GNB1: variants seen among roughly 807,000 people sequenced by gnomAD.
GNB1 encodes G protein subunit beta 1.
In GNB1, 2 loss-of-function variants were observed where a neutral mutation model predicts 42.9. The ratio of observed to expected loss-of-function variants is 0.05; its 90% CI spans 0.02 to 0.15. The LOEUF is 0.15. Ranked by LOEUF, GNB1 falls within the 10% of genes least tolerant of loss-of-function variation. GNB1 has a pLI of 1.00. For synonymous variants in GNB1, 183 were observed against 174.7 expected (o/e 1.05, Z -0.38); for missense variants, 193 against 462.2 (o/e 0.42, Z 5.34).
intron 1 of GNB1, among the ~76,000 whole-genome samples, chr1:1,879,155 G>A (rs1649704346): frequency 1.3e-5 from 2 of 152,196 alleles, no homozygotes; most frequent in African/African-American, 2.4e-5. Context: ...CAGGGTGCCT[G>A]TCTCCAGCTG....
At chr1:1,831,100 G>A (rs567556599) in intron 2 of GNB1, among the ~76,000 whole-genome samples, 4 of 152,306 alleles carry the variant, frequency 2.6e-5, no homozygotes, top group African/African-American at 9.6e-5. Context: ...GGGAGGCGGA[G>A]GCTGCAGTGA....
At chr1:1,885,806 C>T (rs1326657240) in intron 1 of GNB1, among the ~76,000 whole-genome samples, 33 of 149,818 alleles carry the variant, frequency 2.2e-4, no homozygotes, top group African/African-American at 7.1e-4. Context: ...GATCCGCCCA[C>T]GTCGGCCTCC....
intron 1 of GNB1, among the ~76,000 whole-genome samples, chr1:1,885,555 T>C (rs1380282003): frequency 7.0e-6 from 1 of 143,796 alleles, no homozygotes; most frequent in Non-Finnish European, 1.5e-5. Context: ...CTTAATCTTT[T>C]TTTTTTTTTT....
At chr1:1,871,712 T>C (rs998213756) in intron 1 of GNB1, among the ~76,000 whole-genome samples, 1 of 152,244 alleles carries the variant, frequency 6.6e-6, no homozygotes, top group Admixed American at 6.5e-5. Flanking sequence ...ATTCAAGGCA[T>C]GGCTCTGCAC....
chr1:1,866,885 C>T (rs1163342442), intron 1 of GNB1, among the ~76,000 whole-genome samples: 2 of 151,968 alleles, frequency 1.3e-5, no homozygotes, highest in African/African-American at 2.4e-5. Flanking sequence ...ACCCGGGAGG[C>T]GGAGCTTGCA....
intron 2 of GNB1, among the ~76,000 whole-genome samples, chr1:1,827,790 G>A (rs143233240): frequency 1.7e-4 from 26 of 152,196 alleles, no homozygotes; most frequent in African/African-American, 5.1e-4. Context: ...CCAGCACCCC[G>A]CACGCATAAT....
At chr1:1,813,156 CTTTT>C (rs554717267) in intron 5 of GNB1, among the ~76,000 whole-genome samples, 2 of 145,558 alleles carry the variant, frequency 1.4e-5, no homozygotes, top group Non-Finnish European at 3.0e-5. Context: ...AACATTTTTT[CTTTT>C]TTTTTTTTGA....
At chr1:1,857,096 T>C (rs1259942795) in intron 1 of GNB1, among the ~76,000 whole-genome samples, 1 of 152,212 alleles carries the variant, frequency 6.6e-6, no homozygotes, top group Non-Finnish European at 1.5e-5. Context: ...TGGTATTAAC[T>C]ACATCTTTTA....
chr1:1,789,186 G>A lies in GNB1; in HGVS notation c.783C>T (p.Leu261=). 6.2e-7 allele frequency: 1 copy of A among 1,613,844 alleles called. No individual in the cohort carries two copies. The highest frequency in any genetic ancestry group is 2.2e-5 in the East Asian group (1 of 44,886). The change falls in exon 10 of 12, where the codon CTC becomes CTT. Residue 261 remains leucine (L), a synonymous_variant. Transcript: ENST00000378609. ...TGATGTTGTCATGGGAGTAAGTCAT[G>A]AGCTCCTGGTCAGCACGAAGGTCAA... is the stretch of plus-strand genomic sequence containing the variant. ...RLFDLRADQE[L]MTYSHDNIIC...
intron 7 of GNB1, 26 bp from the exon 8 acceptor site, chr1:1,793,337 G>A (rs532925834): frequency 5.1e-6 from 8 of 1,564,994 alleles, no homozygotes; most frequent in South Asian, 2.2e-5. Flanking sequence ...CCTAAGTGAT[G>A]AGCTGAATCC....
chr1:1,812,125 A>C (rs1646788444), intron 5 of GNB1, among the ~76,000 whole-genome samples: 1 of 152,146 alleles, frequency 6.6e-6, no homozygotes, highest in Non-Finnish European at 1.5e-5. Flanking sequence ...CATGAAAAAC[A>C]AGCAATAACA....
At position 1,790,335 on chromosome 1, in the gene GNB1, A is replaced by T. The variant is rs1051752774; in HGVS notation, c.699+60T>A. The T allele has an allele frequency of 2.6e-6, 3 of 1,162,504 alleles. No individual in the cohort carries two copies. Among genetic ancestry groups the T allele is most frequent in the Non-Finnish European group, 1.3e-6 (1 of 769,954 alleles). 72.0% of individuals were successfully genotyped at this position (1,162,504 alleles called of 1,614,324 possible). A position where few individuals can be genotyped will look rare whatever the true frequency, so the allele number is the denominator to read the frequency against. On this transcript the variant is annotated intron_variant, in intron 9 of 11. Coordinates refer to ENST00000378609, the MANE Select transcript of GNB1 (RefSeq NM_002074.5). This position sits in a 1 kb window ranked among gnomAD's most constrained non-coding sequence, Gnocchi z 5.4. The stretch of plus-strand genomic sequence containing the variant: ...AATCCAGAAAAGTTTAAAATTTAGC[A>T]ATCTGAACGGCTAGCAGAGACGGCA...
intron 1 of GNB1, among the ~76,000 whole-genome samples, chr1:1,856,649 ATCTCTTCACCTT>A (rs947338631): frequency 1.3e-5 from 2 of 150,946 alleles, no homozygotes; most frequent in African/African-American, 4.9e-5. Flanking sequence ...GATAGTCTCC[ATCTCTTCACCTT>A]GTGATCCGCC....
intron 3 of GNB1, among the ~76,000 whole-genome samples, chr1:1,821,529 C>T (rs1188177489): frequency 6.6e-6 from 1 of 152,160 alleles, no homozygotes; most frequent in African/African-American, 2.4e-5. Flanking sequence ...ATTCCTTGGG[C>T]AATCAGGAAA....
rs1231487477 is a variant in GNB1, at chr1:1,838,467, CG to C, written c.-47+722del. 2.1e-5 allele frequency among the ~76,000 whole-genome samples: 3 copies of C among 143,920 alleles called. No individual in the cohort carries two copies. In the East Asian group the frequency reaches 6.1e-4, roughly 29 times the overall value. 94.4% of individuals were successfully genotyped at this position (143,920 alleles called of 152,430 possible). ...TTCTTTTCTTTTTTTTTTTTTGAGACGGAGTCTCGCTCTGTCCCACAGGCTG... is the reference window on the plus strand; with the variant it reads ...TTCTTTTCTTTTTTTTTTTTTGAGACGAGTCTCGCTCTGTCCCACAGGCTG... On this transcript the variant is annotated intron_variant, in intron 2 of 11. Transcript: ENST00000378609.
intron 1 of GNB1, among the ~76,000 whole-genome samples, chr1:1,844,720 G>C (rs1406630089): frequency 3.9e-5 from 6 of 152,180 alleles, no homozygotes; most frequent in African/African-American, 1.4e-4. Flanking sequence ...ACCCAAACCA[G>C]AATAGGACAC....
chr1:1,839,390 CTGTCA>C (rs1453665989), intron 1 of GNB1, among the ~76,000 whole-genome samples, 152 bp from the exon 2 acceptor site: 1 of 152,136 alleles, frequency 6.6e-6, no homozygotes, highest in African/African-American at 2.4e-5. Context: ...TTTAGCAGTA[CTGTCA>C]TATTTTGTTT....
At chr1:1,855,133 TG>T (rs2101574431) in intron 1 of GNB1, among the ~76,000 whole-genome samples, 1 of 146,168 alleles carries the variant, frequency 6.8e-6, no homozygotes, top group South Asian at 2.2e-4. Flanking sequence ...CACTCCAGCC[TG>T]GGCAACAGAG....
At chr1:1,828,544 G>A (rs576586304) in intron 2 of GNB1, among the ~76,000 whole-genome samples, 1 of 152,214 alleles carries the variant, frequency 6.6e-6, no homozygotes, top group Admixed American at 6.6e-5. Flanking sequence ...TTTAAAATGA[G>A]CTCAATATAA....
Sources: gnomAD v4.1 joint callset for allele counts (sites outside exome capture counted in the v4.1 genomes callset) on GRCh38, gnomAD v4.1.1 for gene constraint, Gnocchi (gnomAD v3.1) non-coding constraint, MANE v1.5 for transcripts, NCBI Gene and HGNC (gene_info 2026-07-23, HGNC 2026-07-21) for gene names.